SHFL: variants seen among roughly 807,000 people sequenced by gnomAD.
The protein encoded by SHFL is shiftless antiviral inhibitor of ribosomal frameshifting, also known as shiftless antiviral inhibitor of ribosomal frameshifting protein.
SHFL carries 12 observed loss-of-function variants against 34.7 expected under a neutral mutation model. The ratio of observed to expected loss-of-function variants is 0.35; its 90% confidence interval spans 0.22 to 0.56. The LOEUF (loss-of-function observed/expected upper bound fraction) is 0.56. Ranked by LOEUF, SHFL falls within the 20% of genes least tolerant of loss-of-function variation. The pLI is 0.88. For missense variants in SHFL, 278 were observed against 411.1 expected (o/e 0.68, Z 2.80); for synonymous variants, 148 against 156.0 (o/e 0.95, Z 0.38).
Position 10,093,180 on chromosome 19 carries a change from C to T in SHFL, c.*878C>T. ...AGAGAAGGAATCTGGACTCCCCATC[C>T]CCCCACCAGGATAAAAGTCCTGACC... On this transcript the variant is annotated 3_prime_UTR_variant, in exon 8 of 8. Coordinates refer to ENST00000253110, the MANE Select transcript of SHFL (RefSeq NM_018381.4). 1 of 906,624 alleles carries T rather than the reference C, an allele frequency of 1.1e-6. No homozygotes were observed. Among genetic ancestry groups the T allele is most frequent in the Non-Finnish European group, 1.7e-6 (1 of 600,248 alleles). The allele number at this position is 906,624 out of a possible 1,614,324, so 56.2% of individuals were successfully genotyped here.
In SHFL at chr19:10,092,568, A is replaced by AG; in HGVS notation, c.*270dup. The AG allele has an allele frequency of 6.3e-7, 1 of 1,587,504 alleles. No individual in the cohort carries two copies. Among genetic ancestry groups the AG allele is most frequent in the Non-Finnish European group, 8.6e-7 (1 of 1,162,882 alleles). On this transcript the variant is annotated 3_prime_UTR_variant, in exon 8 of 8. Coordinates refer to ENST00000253110, the MANE Select transcript of SHFL (RefSeq NM_018381.4). ...TGCTGACCAATGTCCTCTAGGGCCT[A>AG]GGGGACAGAGGAACACAGAGTCACA...
chr19:10,088,051 G>C (rs1298153033), intron 3 of SHFL: 1 of 149,284 alleles, frequency 6.7e-6, no homozygotes, highest in African/African-American at 2.5e-5. Context: ...ACCTGAGGTC[G>C]GGAGTTTGAG....
In SHFL at chr19:10,091,194, G is replaced by C. The variant is rs1349100267; in HGVS notation, c.385-56G>C. 1 of 1,516,078 alleles carries C rather than the reference G, an allele frequency of 6.6e-7. No homozygotes were observed. 93.9% of individuals were successfully genotyped at this position (1,516,078 alleles called of 1,614,324 possible). On this transcript the variant is annotated intron_variant, in intron 5 of 7. Coordinates refer to ENST00000253110, the MANE Select transcript of SHFL (RefSeq NM_018381.4). This position sits in a 1 kb window ranked among gnomAD's most constrained non-coding sequence, Gnocchi z 8.2. The stretch of plus-strand genomic sequence containing the variant: ...ACTGCTAGCCCTGACCCCAACCTCA[G>C]ACACCTCTGACAATCCTTGGTCCCC...
chr19:10,091,682 C>T lies in SHFL; in HGVS notation c.643+52C>T. The T allele has an allele frequency of 2.0e-6, 3 of 1,487,046 alleles. No individual in the cohort carries two copies. The South Asian group carries it at 4.0e-5, about 20-fold the overall frequency. The allele number at this position is 1,487,046 out of a possible 1,614,324, so 92.1% of individuals were successfully genotyped here. Reference sequence around the variant, plus strand: ...GGACAGTCTTTGTCCCCTTCTGTGCCTTTAAGTCCCCAAATCTCCACTCAG... The same window carrying T: ...GGACAGTCTTTGTCCCCTTCTGTGCTTTTAAGTCCCCAAATCTCCACTCAG... On this transcript the variant is annotated intron_variant, in intron 7 of 7. Coordinates refer to ENST00000253110, the MANE Select transcript of SHFL (RefSeq NM_018381.4). The surrounding 1 kb of genome is among the most constrained non-coding windows in gnomAD (Gnocchi z 8.2).
rs994598063 is a variant in SHFL at position 10,086,779 on chromosome 19, G to A, written c.22-150G>A. The A allele has an allele frequency of 9.8e-7, 1 of 1,020,494 alleles. No homozygotes were observed. The highest frequency in any genetic ancestry group is 1.4e-6 in the Non-Finnish European group (1 of 710,298). 63.2% of individuals were successfully genotyped at this position (1,020,494 alleles called of 1,614,324 possible). On this transcript the variant is annotated intron_variant, in intron 1 of 7. Transcript: ENST00000253110. The surrounding 1 kb of genome is among the most constrained non-coding windows in gnomAD (Gnocchi z 5.2). Reference sequence around the variant, plus strand: ...CTGTGGGGACTTTGGCTTTTTCCAGGAAATGCCGTAAAGGGATGAAAGGCG... The same window carrying A: ...CTGTGGGGACTTTGGCTTTTTCCAGAAAATGCCGTAAAGGGATGAAAGGCG...
intron 5 of SHFL, among the ~76,000 whole-genome samples, chr19:10,090,884 G>T (rs1198456910): frequency 6.6e-6 from 1 of 151,382 alleles, no homozygotes; most frequent in Non-Finnish European, 1.5e-5. Flanking sequence ...TTCCAGCCTG[G>T]GTGACAGAGC....
rs757123385 is a variant in SHFL at position 10,091,676 on chromosome 19, C to T, written c.643+46C>T. 12 of 1,496,194 alleles carry T rather than the reference C, an allele frequency of 8.0e-6. No individual in the cohort carries two copies. The African/African-American group carries it at 1.7e-4, about 21-fold the overall frequency. The allele number at this position is 1,496,194 out of a possible 1,614,324, so 92.7% of individuals were successfully genotyped here. A position where few individuals can be genotyped will look rare whatever the true frequency, so the allele number is the denominator to read the frequency against. ...CAGCCTGGACAGTCTTTGTCCCCTTCTGTGCCTTTAAGTCCCCAAATCTCC... is the reference window on the plus strand; with the variant it reads ...CAGCCTGGACAGTCTTTGTCCCCTTTTGTGCCTTTAAGTCCCCAAATCTCC... On this transcript the variant is annotated intron_variant, in intron 7 of 7. Coordinates refer to ENST00000253110, the MANE Select transcript of SHFL (RefSeq NM_018381.4). This position sits in a 1 kb window ranked among gnomAD's most constrained non-coding sequence, Gnocchi z 8.2.
intron 5 of SHFL, among the ~76,000 whole-genome samples, chr19:10,090,807 C>T (rs2088370075): frequency 6.6e-6 from 1 of 151,618 alleles, no homozygotes; most frequent in African/African-American, 2.4e-5. Context: ...ACTCAGGAGG[C>T]TGAGGTGGGA....
chr19:10,092,530 C>A lies in SHFL; in HGVS notation c.*228C>A, dbSNP rs1599279443. The A allele has an allele frequency of 6.5e-7, 1 of 1,546,614 alleles. No homozygotes were observed. The highest frequency in any genetic ancestry group is 8.8e-7 in the Non-Finnish European group (1 of 1,142,754). ...AGCCACAAAGAAGGTGTGGCCAGAA[C>A]AACTTGGGCTCCTGCTGACCAATGT... is the stretch of plus-strand genomic sequence containing the variant. On this transcript the variant is annotated 3_prime_UTR_variant, in exon 8 of 8. Transcript: ENST00000253110.
In SHFL at chr19:10,086,336, T is replaced by C; in HGVS notation, c.-92T>C. 8.5e-7 allele frequency: 1 copy of C among 1,180,010 alleles called. No homozygotes were observed. The highest frequency in any genetic ancestry group is 1.1e-6 in the Non-Finnish European group (1 of 927,150). The allele number at this position is 1,180,010 out of a possible 1,614,324, so 73.1% of individuals were successfully genotyped here. On this transcript the variant is annotated 5_prime_UTR_variant, in exon 1 of 8. Transcript: ENST00000253110. The surrounding 1 kb of genome is among the most constrained non-coding windows in gnomAD (Gnocchi z 5.2). ...GGCCCCGAGGCACCGCCCCCTGCCC[T>C]GCGCGGCTGCTGGACCGACGGGCGC...
rs780566960 is a variant in SHFL, at chr19:10,089,389, G to T, written c.196-268G>T. ...ATTTGCAGGCAGGAAGTGAGTATGG[G>T]GGTCAGGCTAGCCTCACTCAGGCAA... On this transcript the variant is annotated intron_variant, in intron 3 of 7. Transcript: ENST00000253110. 142 of 1,598,554 alleles carry T rather than the reference G, an allele frequency of 8.9e-5. 2 individuals carry two copies. The South Asian group carries it at 1.5e-3, about 17-fold the overall frequency.
chr19:10,090,176 A>C, intron 5 of SHFL, 129 bp downstream of exon 5: 2 of 1,079,628 alleles, frequency 1.9e-6, no homozygotes, highest in Non-Finnish European at 1.3e-6. Context: ...CTCCAAACTC[A>C]GAGCTCAGCC....
Position 10,087,285 on chromosome 19 carries a change from C to T in SHFL, c.180C>T (p.Asn60=), listed in dbSNP as rs368279366. ...VKQKDGQELS[N]DLDAQDPPED... is the part of the protein sequence containing the mutation. The stretch of plus-strand genomic sequence containing the variant: ...AAAAAGATGGCCAAGAACTAAGTAA[C>T]GATCTGGATGCCCAGGTAACCTATC... The change falls in exon 3 of 8, where the codon AAC becomes AAT. Residue 60 remains asparagine (N), a synonymous_variant. Transcript: ENST00000253110. The T allele has an allele frequency of 3.7e-6, 6 of 1,614,048 alleles. No individual in the cohort carries two copies. Among genetic ancestry groups the T allele is most frequent in the South Asian group, 1.1e-5 (1 of 91,092 alleles).
intron 5 of SHFL, among the ~76,000 whole-genome samples, chr19:10,090,919 A>G (rs2088372992): frequency 8.3e-6 from 1 of 120,382 alleles, no homozygotes; most frequent in South Asian, 3.1e-4. Flanking sequence ...AAAAAAAAAA[A>G]GAAAGAAAGA....
chr19:10,087,142 T>A (rs1373310153), intron 2 of SHFL, 90 bp downstream of exon 2: 1 of 1,586,858 alleles, frequency 6.3e-7, no homozygotes, highest in African/African-American at 1.4e-5. Flanking sequence ...TGAGATCACC[T>A]CCCCCGGAGG....
At chr19:10,087,189 G>A (rs1026235898) in intron 2 of SHFL, 62 bp from the exon 3 acceptor site, 4 of 1,609,020 alleles carry the variant, frequency 2.5e-6, no homozygotes, top group Admixed American at 1.7e-5. Flanking sequence ...GCGGCTCTGG[G>A]TGGCCTGGAA....
rs1256115916 is a variant in SHFL, at chr19:10,087,287, A to G, written c.182A>G (p.Asp61Gly). 6.2e-7 allele frequency: 1 copy of G among 1,614,018 alleles called. No individual in the cohort carries two copies. Among genetic ancestry groups the G allele is most frequent in the Admixed American group, 1.7e-5 (1 of 60,022 alleles). Reference protein sequence around the residue: ...KQKDGQELSNDLDAQDPPEDM... With the variant: ...KQKDGQELSNGLDAQDPPEDM... ...AAAGATGGCCAAGAACTAAGTAACG[A>G]TCTGGATGCCCAGGTAACCTATCCC... The change falls in exon 3 of 8, where the codon GAT (aspartate) becomes GGT (glycine). Residue 61 changes from aspartate to glycine, a missense_variant. Physicochemically the swap from Asp to Gly is moderately conservative, Grantham distance 94. Transcript: ENST00000253110.
Position 10,092,448 on chromosome 19 carries a change from T to G in SHFL, c.*146T>G. 1 of 1,521,760 alleles carries G rather than the reference T, an allele frequency of 6.6e-7. No homozygotes were observed. Among genetic ancestry groups the G allele is most frequent in the Non-Finnish European group, 8.8e-7 (1 of 1,131,430 alleles). The allele number at this position is 1,521,760 out of a possible 1,614,324, so 94.3% of individuals were successfully genotyped here. ...CGGGGGGGATTCCTGGGTCCCATTTTCAGCGCCCAGGGTCACAGATCCACA... is the reference window on the plus strand; with the variant it reads ...CGGGGGGGATTCCTGGGTCCCATTTGCAGCGCCCAGGGTCACAGATCCACA... On this transcript the variant is annotated 3_prime_UTR_variant, in exon 8 of 8. Transcript: ENST00000253110.
In SHFL at chr19:10,091,530, G is replaced by A; in HGVS notation, c.543G>A (p.Val181=). Residue 181 remains valine, a synonymous_variant, in exon 7 of 8, where the codon GTG becomes GTA. Transcript: ENST00000253110. The surrounding 1 kb of genome is among the most constrained non-coding windows in gnomAD (Gnocchi z 8.2). ...PSPCYGCGFP[V]YPTRILPPRW... is the part of the protein sequence containing the mutation. The stretch of plus-strand genomic sequence containing the variant: ...CCTGCTACGGGTGCGGCTTCCCCGT[G>A]TATCCAACACGGATCCTCCCCCCGC... 6.5e-7 allele frequency: 1 copy of A among 1,549,962 alleles called. No individual in the cohort carries two copies. The highest frequency in any genetic ancestry group is 8.7e-7 in the Non-Finnish European group (1 of 1,146,528).
Sources: allele counts gnomAD v4.1 joint callset (sites outside exome capture counted in the v4.1 genomes callset), GRCh38; gene constraint gnomAD v4.1.1; non-coding constraint Gnocchi (gnomAD v3.1); transcripts MANE v1.5; gene names NCBI Gene and HGNC (gene_info 2026-07-23, HGNC 2026-07-21).